The following PPARGC1A variants were observed in gnomAD, a reference collection of about 807,000 sequenced individuals.
The protein encoded by PPARGC1A is PPARG coactivator 1 alpha, also known as peroxisome proliferator-activated receptor gamma coactivator 1-alpha.
Under a neutral mutation model 88.7 loss-of-function variants are expected in PPARGC1A, and 25 were observed. That is an observed-to-expected ratio of 0.28 (90% confidence interval 0.21 to 0.39). The LOEUF (loss-of-function observed/expected upper bound fraction) is 0.39, where lower values mean the gene tolerates loss of function less well. Ranked by LOEUF, PPARGC1A falls within the 10% of genes least tolerant of loss-of-function variation. The pLI is 1.00. For synonymous variants in PPARGC1A, 363 were observed against 355.6 expected (o/e 1.02, Z -0.24); for missense variants, 880 against 968.7 (o/e 0.91, Z 1.22).
the PPARGC1A span, among the ~76,000 whole-genome samples, chr4:24,132,558 G>C: frequency 6.6e-6 from 1 of 152,120 alleles, no homozygotes; most frequent in African/African-American, 2.4e-5. Context: ...TATGTGCTTA[G>C]GTTACCAAGA....
chr4:24,349,782 C>T, the PPARGC1A span, among the ~76,000 whole-genome samples: 14 of 152,300 alleles, frequency 9.2e-5, no homozygotes, highest in South Asian at 6.2e-4. Flanking sequence ...GAAGTCTGCA[C>T]GCCCAATTCA....
chr4:24,265,611 T>C, the PPARGC1A span, among the ~76,000 whole-genome samples: 4 of 152,216 alleles, frequency 2.6e-5, no homozygotes, highest in Non-Finnish European at 4.4e-5. Context: ...AGAAATTCCA[T>C]AGGGATGTGT....
At chr4:24,193,875 T>C in the PPARGC1A span, among the ~76,000 whole-genome samples, 2 of 152,112 alleles carry the variant, frequency 1.3e-5, no homozygotes, top group Non-Finnish European at 2.9e-5. Context: ...ATGCCTGTAA[T>C]CCCAGCACTT....
At chr4:23,909,589 G>C in the PPARGC1A span, among the ~76,000 whole-genome samples, 18 of 151,978 alleles carry the variant, frequency 1.2e-4, 1 homozygote, top group East Asian at 3.6e-3. Flanking sequence ...TGGGACCCCA[G>C]GAAAGTGACA....
chr4:24,387,770 A>AGAGAG, the PPARGC1A span, among the ~76,000 whole-genome samples: 781 of 58,676 alleles, frequency 0.013, 19 homozygotes, highest in Non-Finnish European at 0.017. Context: ...GAGAGAGAGA[A>AGAGAG]AGAAAGAAAG....
At chr4:23,920,979 G>C in the PPARGC1A span, among the ~76,000 whole-genome samples, 102,775 of 151,906 alleles carry the variant, frequency 0.68, 36,152 homozygotes, top group African/African-American at 0.87. Flanking sequence ...CAGCAAGGAG[G>C]CTAGAGGACA....
chr4:24,162,575 A>G, the PPARGC1A span, among the ~76,000 whole-genome samples: 1 of 149,270 alleles, frequency 6.7e-6, no homozygotes, highest in Non-Finnish European at 1.5e-5. Context: ...TTCCTGAAAT[A>G]GATGTTCCTT....
At chr4:24,388,010 GGAAA>G in the PPARGC1A span, among the ~76,000 whole-genome samples, 89 of 147,378 alleles carry the variant, frequency 6.0e-4, 2 homozygotes, top group East Asian at 8.7e-3. Flanking sequence ...AAGGAAGGAA[GGAAA>G]GAAAGAAAGA....
intron 12 of PPARGC1A, among the ~76,000 whole-genome samples, chr4:23,799,455 G>A (rs1041560796): frequency 2.0e-5 from 3 of 152,204 alleles, no homozygotes; most frequent in African/African-American, 7.2e-5. Context: ...TGAAGGGGTT[G>A]AATTCTTTGC....
the PPARGC1A span, among the ~76,000 whole-genome samples, chr4:24,327,252 T>C: frequency 6.6e-6 from 1 of 152,192 alleles, no homozygotes; most frequent in Non-Finnish European, 1.5e-5. Context: ...ACTTAGACTG[T>C]GCCCCCAAAT....
At chr4:23,949,646 C>T in the PPARGC1A span, among the ~76,000 whole-genome samples, 1 of 152,132 alleles carries the variant, frequency 6.6e-6, no homozygotes, top group Non-Finnish European at 1.5e-5. Context: ...TTTTGCCAGG[C>T]CTCTGTAGAC....
chr4:24,002,603 GC>G, the PPARGC1A span, among the ~76,000 whole-genome samples: 1 of 119,160 alleles, frequency 8.4e-6, no homozygotes, highest in Non-Finnish European at 1.7e-5. Context: ...AGTGCATGCT[GC>G]TTTTTTTTTT....
chr4:24,194,692 T>C, the PPARGC1A span, among the ~76,000 whole-genome samples: 9 of 151,528 alleles, frequency 5.9e-5, no homozygotes, highest in Admixed American at 4.6e-4. Context: ...GTTACTCAAT[T>C]TGCCTCTTCA....
At chr4:24,131,011 C>T in the PPARGC1A span, among the ~76,000 whole-genome samples, 1 of 152,144 alleles carries the variant, frequency 6.6e-6, no homozygotes, top group East Asian at 1.9e-4. Context: ...TTGTTCCTTC[C>T]AGATAGAACT....
the PPARGC1A span, among the ~76,000 whole-genome samples, chr4:23,988,292 G>GTA: frequency 3.3e-5 from 5 of 152,078 alleles, no homozygotes; most frequent in South Asian, 1.0e-3. Flanking sequence ...AATCCTTTGG[G>GTA]TATATGCCCA....
At position 23,813,867 on chromosome 4, in the gene PPARGC1A, G is replaced by C; in HGVS notation, c.1616C>G (p.Ser539Cys). 6.2e-7 allele frequency: 1 copy of C among 1,613,192 alleles called. No homozygotes were observed. The highest frequency in any genetic ancestry group is 8.5e-7 in the Non-Finnish European group (1 of 1,179,598). ...ACATGGAGAGTTAAAAGAAGAACAA[G>C]AAGGAGACACATTGAACAATGAATA... Reference protein sequence around the residue: ...QSYSLFNVSPSCSSFNSPCRD... With the variant: ...QSYSLFNVSPCCSSFNSPCRD... The change falls in exon 8 of 13, where the codon TCT (serine) becomes TGT (cysteine). Residue 539 changes from serine (S) to cysteine (C), a missense_variant. Physicochemically the swap from Ser to Cys is moderately radical, Grantham distance 112. Transcript: ENST00000264867.
chr4:24,044,202 T>C, the PPARGC1A span, among the ~76,000 whole-genome samples: 1 of 152,204 alleles, frequency 6.6e-6, no homozygotes, highest in East Asian at 1.9e-4. Flanking sequence ...GAACTGAGTC[T>C]GGCTTTTCCA....
intron 2 of PPARGC1A, among the ~76,000 whole-genome samples, chr4:23,853,737 C>G (rs1729714331): frequency 6.6e-6 from 1 of 152,170 alleles, no homozygotes; most frequent in African/African-American, 2.4e-5. Context: ...ATTTAGAAAA[C>G]TATCTGATAA....
the PPARGC1A span, among the ~76,000 whole-genome samples, chr4:24,134,978 C>T: frequency 6.6e-6 from 1 of 152,182 alleles, no homozygotes; most frequent in Admixed American, 6.5e-5. Context: ...GCACACCTTG[C>T]ACTGCTTTGA....
Sources: gnomAD v4.1 joint callset for allele counts (sites outside exome capture counted in the v4.1 genomes callset) on GRCh38, gnomAD v4.1.1 for gene constraint, MANE v1.5 for transcripts, NCBI Gene and HGNC (gene_info 2026-07-23, HGNC 2026-07-21) for gene names.